Variants in PDE4D observed in about 807,000 individuals in gnomAD.
PDE4D encodes the protein 3',5'-cyclic-AMP phosphodiesterase 4D.
Under a neutral mutation model 87.4 loss-of-function variants are expected in PDE4D, and 24 were observed. The observed-to-expected ratio is 0.27, with a 90% confidence interval of 0.20 to 0.39. The LOEUF (loss-of-function observed/expected upper bound fraction) is 0.39. Ranked by LOEUF, PDE4D falls within the 10% of genes least tolerant of loss-of-function variation. The pLI is 1.00. For synonymous variants in PDE4D, 384 were observed against 383.2 expected, an observed-to-expected ratio of 1.00 and a Z score of -0.02; for missense variants, 714 against 1,041.0, an observed-to-expected ratio of 0.69 and a Z score of 4.32.
chr5:60,070,907 G>C (rs1240109702), intron 2 of PDE4D, among the ~76,000 whole-genome samples: 1 of 151,818 alleles, frequency 6.6e-6, no homozygotes, highest in Non-Finnish European at 1.5e-5. Flanking sequence ...TCCAGTCTCG[G>C]TTGATTGTAT....
chr5:58,977,126 C>T, intron 12 of PDE4D, 65 bp downstream of exon 12: 1 of 1,446,078 alleles, frequency 6.9e-7, no homozygotes, highest in East Asian at 2.3e-5. Context: ...TCATCTTGTT[C>T]TTATGTCTAA....
intron 1 of PDE4D, among the ~76,000 whole-genome samples, chr5:59,355,674 G>A (rs1311600527): frequency 6.6e-6 from 1 of 151,846 alleles, no homozygotes; most frequent in Admixed American, 6.6e-5. Context: ...ACCTTTAGCT[G>A]GCAAATTATA....
chr5:59,530,746 T>C (rs1814066015), intron 1 of PDE4D, among the ~76,000 whole-genome samples: 1 of 152,260 alleles, frequency 6.6e-6, no homozygotes, highest in South Asian at 2.1e-4. Context: ...ATTTTGTTTT[T>C]ATTTATTTAG....
chr5:59,193,618 A>T, intron 2 of PDE4D, 82 bp from the exon 3 acceptor site: 1 of 1,572,626 alleles, frequency 6.4e-7, no homozygotes, highest in South Asian at 1.2e-5. Flanking sequence ...GGCAAGTTCC[A>T]CTTTCATGAG....
intron 1 of PDE4D, among the ~76,000 whole-genome samples, chr5:60,202,152 A>G (rs919211211): frequency 1.3e-5 from 2 of 152,180 alleles, no homozygotes; most frequent in Non-Finnish European, 2.9e-5. Flanking sequence ...AACTATGAAT[A>G]AAATGATTTC....
chr5:59,728,057 T>C (rs112469513), intron 1 of PDE4D, among the ~76,000 whole-genome samples: 3 of 152,142 alleles, frequency 2.0e-5, no homozygotes, highest in African/African-American at 7.2e-5. Context: ...TGTGTTATCA[T>C]ACAGTAGCAC....
At chr5:59,508,812 T>G (rs1485129493) in intron 1 of PDE4D, among the ~76,000 whole-genome samples, 1 of 151,712 alleles carries the variant, frequency 6.6e-6, no homozygotes, top group African/African-American at 2.4e-5. Flanking sequence ...AACAAACAGG[T>G]GAAACAACAA....
At chr5:60,448,828 G>A (rs767781326) in intron 1 of PDE4D, 35 of 152,090 alleles carry the variant, frequency 2.3e-4, no homozygotes, top group Non-Finnish European at 4.4e-4. Context: ...GCAACAGAGG[G>A]TAGCCTTTGC....
intron 1 of PDE4D, among the ~76,000 whole-genome samples, chr5:60,311,018 C>CTTTT (rs67263352): frequency 2.6e-4 from 37 of 139,686 alleles, no homozygotes; most frequent in African/African-American, 9.9e-4. Flanking sequence ...TAAAATAAGT[C>CTTTT]TTTTTTTTTT....
At chr5:59,761,589 C>T in intron 1 of PDE4D, among the ~76,000 whole-genome samples, 1 of 151,764 alleles carries the variant, frequency 6.6e-6, no homozygotes, top group Non-Finnish European at 1.5e-5. Context: ...AACTAAGACA[C>T]AAACACACAT....
chr5:60,405,571 C>T (rs1444682108), intron 1 of PDE4D, among the ~76,000 whole-genome samples: 3 of 152,164 alleles, frequency 2.0e-5, no homozygotes, highest in Non-Finnish European at 4.4e-5. Context: ...TTCACTCCCC[C>T]AACTAAGAAA....
chr5:59,774,558 G>GT (rs1359979279), intron 1 of PDE4D, among the ~76,000 whole-genome samples: 3 of 88,032 alleles, frequency 3.4e-5, no homozygotes, highest in East Asian at 4.3e-4. Flanking sequence ...TAGTTATATG[G>GT]GGTTTTTTTC....
intron 1 of PDE4D, among the ~76,000 whole-genome samples, chr5:59,219,575 T>A (rs931830567): frequency 6.6e-6 from 1 of 152,126 alleles, no homozygotes; most frequent in Non-Finnish European, 1.5e-5. Context: ...TTACATTACA[T>A]CCTATGTCCT....
In PDE4D at chr5:59,209,035, T is replaced by C. The variant is rs1048456611; in HGVS notation, c.647+6742A>G. On this transcript the variant is annotated intron_variant, in intron 2 of 14. Transcript: ENST00000340635. The stretch of plus-strand genomic sequence containing the variant: ...ATATCACATTTTATAAAAAAAGATT[T>C]TGGCTACCTGGGATCCTAACAGAAT... 2.0e-5 allele frequency among the ~76,000 whole-genome samples: 3 copies of C among 152,296 alleles called. No individual in the cohort carries two copies. The South Asian group carries it at 6.2e-4, about 32-fold the overall frequency.
intron 6 of PDE4D, among the ~76,000 whole-genome samples, chr5:59,031,050 A>G (rs1427115024): frequency 6.6e-6 from 1 of 152,040 alleles, no homozygotes; most frequent in African/African-American, 2.4e-5. Flanking sequence ...CACCATGTAC[A>G]ATGGCTATGT....
chr5:59,446,080 A>C (rs904520140), intron 1 of PDE4D, among the ~76,000 whole-genome samples: 1 of 152,158 alleles, frequency 6.6e-6, no homozygotes, highest in Non-Finnish European at 1.5e-5. Context: ...GTAATGTGAA[A>C]ATGTTTTAAT....
intron 1 of PDE4D, among the ~76,000 whole-genome samples, chr5:59,610,116 C>T (rs998202652): frequency 5.3e-5 from 8 of 152,254 alleles, no homozygotes; most frequent in African/African-American, 1.9e-4. Flanking sequence ...AATCAAGAGA[C>T]TAATGAACAT....
chr5:59,103,409 G>A (rs1212004389), intron 5 of PDE4D, among the ~76,000 whole-genome samples: 2 of 151,994 alleles, frequency 1.3e-5, no homozygotes, highest in Admixed American at 6.6e-5. Context: ...GTCCACAGAT[G>A]TGACTTGTTT....
chr5:59,825,865 C>CT (rs1770261947), intron 1 of PDE4D, among the ~76,000 whole-genome samples: 1 of 152,172 alleles, frequency 6.6e-6, no homozygotes, highest in African/African-American at 2.4e-5. Context: ...ATGGAGGACA[C>CT]TTACTCAATT....
Sources: allele counts gnomAD v4.1 joint callset (sites outside exome capture counted in the v4.1 genomes callset), GRCh38; gene constraint gnomAD v4.1.1; transcripts MANE v1.5; gene names NCBI Gene and HGNC (gene_info 2026-07-23, HGNC 2026-07-21).